GALNT10: variants seen among roughly 807,000 people sequenced by gnomAD.
GALNT10 encodes the protein polypeptide N-acetylgalactosaminyltransferase 10.
A neutral mutation model predicts 75.0 loss-of-function variants in GALNT10; 41 were observed. That is an observed-to-expected ratio of 0.55 (90% CI 0.43 to 0.71). GALNT10 has a LOEUF of 0.71. Ranked by LOEUF, GALNT10 falls within the 30% of genes least tolerant of loss-of-function variation. The probability of loss-of-function intolerance (pLI) is 0.00; values close to 1 mark genes in which losing one functional copy is unlikely to be tolerated. For synonymous variants in GALNT10, 302 were observed against 313.0 expected, an observed-to-expected ratio of 0.96 and a Z score of 0.37; for missense variants, 727 against 818.5, an observed-to-expected ratio of 0.89 and a Z score of 1.36.
intron 1 of GALNT10, among the ~76,000 whole-genome samples, chr5:154,243,121 A>G (rs146714093): frequency 6.6e-6 from 1 of 152,150 alleles, no homozygotes; most frequent in Non-Finnish European, 1.5e-5. Context: ...ATGAGATAGC[A>G]TCAGCCCTCA....
chr5:154,397,291 G>T (rs139697737), intron 7 of GALNT10, among the ~76,000 whole-genome samples: 1 of 149,216 alleles, frequency 6.7e-6, no homozygotes, highest in Non-Finnish European at 1.5e-5. Context: ...ACAATATCTT[G>T]TTGAAAACAA....
chr5:154,326,879 CTT>C (rs1561661868), intron 3 of GALNT10, among the ~76,000 whole-genome samples: 2 of 152,032 alleles, frequency 1.3e-5, no homozygotes, highest in Non-Finnish European at 2.9e-5. Flanking sequence ...AAAAGAGTAA[CTT>C]TTATGGTATG....
intron 2 of GALNT10, among the ~76,000 whole-genome samples, chr5:154,296,212 A>G (rs1227646385): frequency 6.6e-6 from 1 of 152,060 alleles, no homozygotes; most frequent in African/African-American, 2.4e-5. Flanking sequence ...TCAGCCTCCC[A>G]AGTAGCTGGG....
Position 154,416,707 on chromosome 5 carries a change from T to C in GALNT10, c.1654-107T>C. ...GAAAACCAACAGGTGTATGAACAGC[T>C]AGTCAGTCAGTCACTTCCTCACTTT... On this transcript the variant is annotated intron_variant, in intron 11 of 11. Transcript: ENST00000297107. The surrounding 1 kb of genome is among the most constrained non-coding windows in gnomAD (Gnocchi z 4.5). The C allele has an allele frequency of 1.2e-6, 1 of 815,044 alleles. No homozygotes were observed. The highest frequency in any genetic ancestry group is 1.5e-5 in the South Asian group (1 of 64,734). The allele number at this position is 815,044 out of a possible 1,614,324, so 50.5% of individuals were successfully genotyped here.
At chr5:154,196,142 C>T (rs561855885) in intron 1 of GALNT10, among the ~76,000 whole-genome samples, 14 of 152,250 alleles carry the variant, frequency 9.2e-5, no homozygotes, top group Admixed American at 5.2e-4. Context: ...AGGCTGGTCT[C>T]GAACTCCCGA....
At chr5:154,339,308 G>A (rs4958729) in intron 4 of GALNT10, among the ~76,000 whole-genome samples, 62,999 of 151,988 alleles carry the variant, frequency 0.41, 15,356 homozygotes, top group East Asian at 0.62. Context: ...AGGCTTTCTC[G>A]ATTCTCTTCT....
intron 4 of GALNT10, among the ~76,000 whole-genome samples, chr5:154,360,987 A>G (rs1207453143): frequency 6.6e-6 from 1 of 152,250 alleles, no homozygotes; most frequent in African/African-American, 2.4e-5. Flanking sequence ...CACCCTTTTA[A>G]TTGAAAGAAA....
intron 4 of GALNT10, among the ~76,000 whole-genome samples, chr5:154,348,424 C>T (rs1755160143): frequency 6.6e-6 from 1 of 152,202 alleles, no homozygotes; most frequent in Non-Finnish European, 1.5e-5. Flanking sequence ...TTTTATTCTT[C>T]CTTTTTGACA....
chr5:154,261,654 G>A (rs571568856), intron 1 of GALNT10, among the ~76,000 whole-genome samples: 1 of 152,294 alleles, frequency 6.6e-6, no homozygotes, highest in East Asian at 1.9e-4. Flanking sequence ...CATACCTTCT[G>A]TGAATGACAC....
chr5:154,407,727 GCA>G (rs898257755), intron 8 of GALNT10, among the ~76,000 whole-genome samples: 6 of 152,186 alleles, frequency 3.9e-5, no homozygotes, highest in African/African-American at 1.4e-4. Flanking sequence ...ACTTCCTCTA[GCA>G]CAGTTTTAAA....
At chr5:154,341,472 A>G (rs1755030998) in intron 4 of GALNT10, among the ~76,000 whole-genome samples, 1 of 152,250 alleles carries the variant, frequency 6.6e-6, no homozygotes, top group Non-Finnish European at 1.5e-5. Context: ...AGGTGGAATT[A>G]TAAGGCTATG....
chr5:154,385,905 C>CT (rs1561678450), intron 6 of GALNT10, among the ~76,000 whole-genome samples: 1 of 152,168 alleles, frequency 6.6e-6, no homozygotes, highest in Non-Finnish European at 1.5e-5. Context: ...GCCCAGCGAG[C>CT]TGTATATTTT....
Position 154,417,196 on chromosome 5 carries a change from A to C in GALNT10, c.*224A>C. Reference sequence around the variant, plus strand: ...ATATCCCACAAGAGGCCCCACAGGGAGCAGAGACTGCTTTAATCCCTGCTG... The same window carrying C: ...ATATCCCACAAGAGGCCCCACAGGGCGCAGAGACTGCTTTAATCCCTGCTG... On this transcript the variant is annotated 3_prime_UTR_variant, in exon 12 of 12. Transcript: ENST00000297107. 1.8e-6 allele frequency: 1 copy of C among 550,726 alleles called. No homozygotes were observed. The highest frequency in any genetic ancestry group is 3.0e-5 in the East Asian group (1 of 33,498). 34.1% of individuals were successfully genotyped at this position (550,726 alleles called of 1,614,324 possible).
At chr5:154,285,600 T>A (rs941478906) in intron 1 of GALNT10, among the ~76,000 whole-genome samples, 2 of 151,878 alleles carry the variant, frequency 1.3e-5, no homozygotes, top group African/African-American at 2.4e-5. Context: ...ACCCTATTTT[T>A]AAAAAAAATC....
intron 1 of GALNT10, among the ~76,000 whole-genome samples, chr5:154,193,868 A>G (rs1242573793): frequency 6.6e-6 from 1 of 152,236 alleles, no homozygotes; most frequent in Non-Finnish European, 1.5e-5. Flanking sequence ...GCTGGGTGGG[A>G]TAGCTGATTT....
chr5:154,389,342 C>T (rs1755858793), intron 7 of GALNT10: 1 of 151,728 alleles, frequency 6.6e-6, no homozygotes, highest in Admixed American at 6.6e-5. Context: ...TTCTGGTTAT[C>T]ATGTTAAAAT....
At chr5:154,205,591 G>A (rs12652187) in intron 1 of GALNT10, among the ~76,000 whole-genome samples, 52,446 of 152,076 alleles carry the variant, frequency 0.34, 10,882 homozygotes, top group East Asian at 0.78. Context: ...CTTACTCACG[G>A]CACCTCAGAA....
chr5:154,329,813 C>T (rs779108260), intron 4 of GALNT10, 75 bp downstream of exon 4: 37 of 1,051,204 alleles, frequency 3.5e-5, no homozygotes, highest in Non-Finnish European at 5.0e-5. Context: ...GCAGGTTTTC[C>T]CTTCTTTAGC....
chr5:154,360,114 C>T (rs1351725644), intron 4 of GALNT10, among the ~76,000 whole-genome samples: 3 of 152,032 alleles, frequency 2.0e-5, no homozygotes, highest in African/African-American at 7.2e-5. Flanking sequence ...GGGAAATAAG[C>T]AATGCCATAT....
Sources: gnomAD v4.1 joint callset for allele counts (sites outside exome capture counted in the v4.1 genomes callset) on GRCh38, gnomAD v4.1.1 for gene constraint, Gnocchi (gnomAD v3.1) non-coding constraint, MANE v1.5 for transcripts, NCBI Gene and HGNC (gene_info 2026-07-23, HGNC 2026-07-21) for gene names.